The following CRHR2 variants were observed in gnomAD, a reference collection of about 807,000 sequenced individuals.
The protein encoded by CRHR2 is corticotropin releasing hormone receptor 2, also known as corticotropin-releasing hormone receptor 2.
CRHR2 carries 53 observed loss-of-function variants against 57.9 expected under a neutral mutation model. The observed-to-expected ratio is 0.92, with a 90% CI of 0.73 to 1.15. CRHR2 has a LOEUF of 1.15. Among genes scored for constraint, CRHR2 ranks in the 50% most tolerant of loss-of-function variants. CRHR2 has a pLI of 0.00. For synonymous variants in CRHR2, 213 were observed against 220.9 expected, an observed-to-expected ratio of 0.96 and a Z score of 0.32; for missense variants, 532 against 542.6, an observed-to-expected ratio of 0.98 and a Z score of 0.19.
chr7:30,658,851 T>G (rs1472030591), intron 8 of CRHR2, among the ~76,000 whole-genome samples: 1 of 152,144 alleles, frequency 6.6e-6, no homozygotes, highest in Non-Finnish European at 1.5e-5. Context: ...CAGAAATAAG[T>G]GAGTGTCTCT....
At chr7:30,676,030 T>C (rs1368472324) in intron 2 of CRHR2, among the ~76,000 whole-genome samples, 2 of 152,150 alleles carry the variant, frequency 1.3e-5, no homozygotes, top group Non-Finnish European at 2.9e-5. Flanking sequence ...GGGTAGAAGC[T>C]AGAGCAGAAG....
chr7:30,653,604 TGG>T lies in CRHR2; in HGVS notation c.1096-6_1096-5del. 6.2e-7 allele frequency: 1 copy of T among 1,607,342 alleles called. No homozygotes were observed. Among genetic ancestry groups the T allele is most frequent in the African/African-American group, 1.3e-5 (1 of 74,898 alleles). On this transcript the variant is annotated splice_polypyrimidine_tract_variant and splice_region_variant and intron_variant, in intron 11 of 11. Coordinates refer to ENST00000471646, the MANE Select transcript of CRHR2 (RefSeq NM_001883.5). This position sits in a 1 kb window ranked among gnomAD's most constrained non-coding sequence, Gnocchi z 5.0. Reference sequence around the variant, plus strand: ...TCTTCCTCACGGCTGAGCGCACCTGTGGGGAAGGCAGAGGCTCAGCTGGCTCC... The same window carrying T: ...TCTTCCTCACGGCTGAGCGCACCTGTGGAAGGCAGAGGCTCAGCTGGCTCC...
chr7:30,655,986 G>T lies in CRHR2; in HGVS notation c.858C>A (p.Ile286=). 10 of 1,611,802 alleles carry T rather than the reference G, an allele frequency of 6.2e-6. No homozygotes were observed. Among genetic ancestry groups the T allele is most frequent in the Non-Finnish European group, 8.5e-6 (10 of 1,178,544 alleles). ...GTAACTTTGTCATTAGGATCCTGACGATGTTGAACAGAAATACGAAATTGA... is the reference window on the plus strand; with the variant it reads ...GTAACTTTGTCATTAGGATCCTGACTATGTTGAACAGAAATACGAAATTGA... ...LLINFVFLFN[I]VRILMTKLRA... Residue 286 remains isoleucine, a synonymous_variant, in exon 9 of 12, where the codon ATC becomes ATA. Coordinates refer to ENST00000471646, the MANE Select transcript of CRHR2 (RefSeq NM_001883.5).
intron 2 of CRHR2, among the ~76,000 whole-genome samples, chr7:30,687,573 T>A (rs1477389039): frequency 6.6e-6 from 1 of 152,230 alleles, no homozygotes; most frequent in Non-Finnish European, 1.5e-5. Flanking sequence ...CATCTTCTCC[T>A]TTGAGTTAAA....
chr7:30,665,044 A>T lies in CRHR2; in HGVS notation c.543+26T>A. 6.3e-7 allele frequency: 1 copy of T among 1,596,344 alleles called. No individual in the cohort carries two copies. The highest frequency in any genetic ancestry group is 1.3e-5 in the African/African-American group (1 of 74,574). On this transcript the variant is annotated intron_variant, in intron 5 of 11. Transcript: ENST00000471646. The surrounding 1 kb of genome is among the most constrained non-coding windows in gnomAD (Gnocchi z 4.5). Reference sequence around the variant, plus strand: ...CCGGAGCCCAGAGCCCCCCAGGTATAGCCCCGAGTCTCCCCGAGCAATGAC... The same window carrying T: ...CCGGAGCCCAGAGCCCCCCAGGTATTGCCCCGAGTCTCCCCGAGCAATGAC...
chr7:30,657,878 A>G (rs986038097), intron 8 of CRHR2, among the ~76,000 whole-genome samples: 1 of 152,098 alleles, frequency 6.6e-6, no homozygotes, highest in African/African-American at 2.4e-5. Context: ...TGTTTTATCT[A>G]TCCATCCACG....
chr7:30,686,944 A>G (rs777043083), upstream of CRHR2, among the ~76,000 whole-genome samples: 1 of 152,094 alleles, frequency 6.6e-6, no homozygotes. Context: ...TTTTTATTGT[A>G]TGTAGTAGAC....
intron 9 of CRHR2, 92 bp from the exon 10 acceptor site, chr7:30,655,807 G>T (rs746945781): frequency 1.3e-6 from 2 of 1,589,754 alleles, no homozygotes; most frequent in East Asian, 4.5e-5. Flanking sequence ...TGTTTCTTCC[G>T]GGAGCTTGAG....
Position 30,655,057 on chromosome 7 carries a change from G to A in CRHR2, c.1077C>T (p.Tyr359=), listed in dbSNP as rs1281796888. ...SFQGFFVSVF[Y]CFFNGEVRSA... ...TTCATACCTCTCCATTGAAGAAGCA[G>A]TAGAAGACAGACACGAAGAAACCCT... Residue 359 remains tyrosine (Y), a synonymous_variant, in exon 11 of 12, where the codon TAC becomes TAT. Coordinates refer to ENST00000471646, the MANE Select transcript of CRHR2 (RefSeq NM_001883.5). The A allele has an allele frequency of 5.0e-6, 8 of 1,613,588 alleles. No homozygotes were observed. The highest frequency in any genetic ancestry group is 6.8e-6 in the Non-Finnish European group (8 of 1,179,760).
intron 2 of CRHR2, among the ~76,000 whole-genome samples, chr7:30,688,342 T>C (rs200512326): frequency 5.9e-5 from 9 of 151,712 alleles, no homozygotes; most frequent in Admixed American, 2.6e-4. Context: ...TCTGTGGTGC[T>C]TTGTTCCAGT....
At chr7:30,696,572 A>C (rs1197280901) in intron 1 of CRHR2, among the ~76,000 whole-genome samples, 1 of 152,076 alleles carries the variant, frequency 6.6e-6, no homozygotes, top group African/African-American at 2.4e-5. Flanking sequence ...GTACAAAAAA[A>C]AATTAGCTGG....
Position 30,660,621 on chromosome 7 carries a change from G to T in CRHR2, c.783C>A (p.Gly261=), listed in dbSNP as rs374982371. Reference sequence around the variant, plus strand: ...CTTGGTAGATGTAGTCCACCAGGTCGCCAGGCTCCTTGCCAAACCAGCACC... The same window carrying T: ...CTTGGTAGATGTAGTCCACCAGGTCTCCAGGCTCCTTGCCAAACCAGCACC... ...NEQCWFGKEP[G]DLVDYIYQGP... is the part of the protein sequence containing the mutation. The change falls in exon 8 of 12, where the codon GGC becomes GGA. Residue 261 remains glycine, a synonymous_variant. Transcript: ENST00000471646. 15 of 1,571,652 alleles carry T rather than the reference G, an allele frequency of 9.5e-6. No individual in the cohort carries two copies. Among genetic ancestry groups the T allele is most frequent in the Non-Finnish European group, 1.3e-5 (15 of 1,158,194 alleles).
intron 11 of CRHR2, chr7:30,654,692 A>G: frequency 6.5e-7 from 1 of 1,536,040 alleles, no homozygotes. Context: ...CTGAGTCCAT[A>G]CAGACCTGAT....
At chr7:30,671,828 G>GATA (rs1337236731) in intron 2 of CRHR2, among the ~76,000 whole-genome samples, 9 of 146,554 alleles carry the variant, frequency 6.1e-5, no homozygotes, top group Non-Finnish European at 1.1e-4. Flanking sequence ...TGATGATGAT[G>GATA]ATGATGATGA....
intron 10 of CRHR2, among the ~76,000 whole-genome samples, chr7:30,655,313 G>A (rs147153644): frequency 4.7e-4 from 72 of 152,304 alleles, no homozygotes; most frequent in African/African-American, 1.5e-3. Context: ...TCAATATTGT[G>A]TGACCTGTCC....
upstream of CRHR2, among the ~76,000 whole-genome samples, chr7:30,685,727 G>A (rs911495120): frequency 6.6e-6 from 1 of 152,164 alleles, no homozygotes; most frequent in Admixed American, 6.5e-5. Flanking sequence ...ATGGACAATA[G>A]GATTCCCAGA....
In CRHR2 at chr7:30,656,125, A is replaced by G. The variant is rs1238233570; in HGVS notation, c.832-113T>C. On this transcript the variant is annotated intron_variant, in intron 8 of 11. Transcript: ENST00000471646. This position sits in a 1 kb window ranked among gnomAD's most constrained non-coding sequence, Gnocchi z 4.4. ...CCCTGGAAACCGATGTCCCACGCAC[A>G]CACCTATCCTACCTGTCCCCCTAGC... 2 of 916,606 alleles carry G rather than the reference A, an allele frequency of 2.2e-6. No homozygotes were observed. Among genetic ancestry groups the G allele is most frequent in the Non-Finnish European group, 3.5e-6 (2 of 573,292 alleles). The allele number at this position is 916,606 out of a possible 1,614,324, so 56.8% of individuals were successfully genotyped here. A position where few individuals can be genotyped will look rare whatever the true frequency, so the allele number is the denominator to read the frequency against.
chr7:30,679,675 T>A (rs551270324), intron 2 of CRHR2, among the ~76,000 whole-genome samples: 2 of 152,164 alleles, frequency 1.3e-5, no homozygotes. Flanking sequence ...ATAACAAAAT[T>A]GGGGCAGGAA....
upstream of CRHR2, chr7:30,686,443 T>C (rs1254065392): frequency 2.0e-6 from 3 of 1,532,948 alleles, no homozygotes; most frequent in Admixed American, 6.0e-5. Context: ...CAAGGCTCTC[T>C]TCCCATTTGA....
Sources: allele counts gnomAD v4.1 joint callset (sites outside exome capture counted in the v4.1 genomes callset), GRCh38; gene constraint gnomAD v4.1.1; non-coding constraint Gnocchi (gnomAD v3.1); transcripts MANE v1.5; gene names NCBI Gene and HGNC (gene_info 2026-07-23, HGNC 2026-07-21).